BMP4: variants seen among roughly 807,000 people sequenced by gnomAD.
BMP4 encodes bone morphogenetic protein 2B.
BMP4 carries 3 observed loss-of-function variants against 29.6 expected under a neutral mutation model. The ratio of observed to expected loss-of-function variants is 0.10; its 90% confidence interval spans 0.05 to 0.26. BMP4 has a LOEUF of 0.26. BMP4 is among the 10% of genes least tolerant of loss of function. The probability of loss-of-function intolerance (pLI) is 1.00; values close to 1 mark genes in which losing one functional copy is unlikely to be tolerated. For synonymous variants in BMP4, 197 were observed against 213.2 expected, an observed-to-expected ratio of 0.92 and a Z score of 0.66; for missense variants, 455 against 550.2, an observed-to-expected ratio of 0.83 and a Z score of 1.73.
chr14:53,950,094 A>G lies in BMP4; in HGVS notation c.1165T>C (p.Tyr389His). The G allele has an allele frequency of 6.2e-7, 1 of 1,614,050 alleles. No individual in the cohort carries two copies. Among genetic ancestry groups the G allele is most frequent in the Non-Finnish European group, 8.5e-7 (1 of 1,180,012 alleles). ...SAISMLYLDE[Y>H]DKVVLKNYQE... ...TAATTTTTCAGTACCACCTTATCAT[A>G]CTCATCCAGGTACAGCATGGAGATG... The change falls in exon 4 of 4, where the codon TAT (tyrosine) becomes CAT (histidine). Residue 389 changes from tyrosine (Y) to histidine (H), a missense_variant. By Grantham distance (83) the Tyr-to-His change is moderately conservative. Around this residue, in one of 4 missense-constraint regions of BMP4, gnomAD observed 48 missense variants for 90.4 expected, o/e 0.53. Coordinates refer to ENST00000245451, the MANE Select transcript of BMP4 (RefSeq NM_001202.6). This position sits in a 1 kb window ranked among gnomAD's most constrained non-coding sequence, Gnocchi z 5.4.
In BMP4 at chr14:53,950,929, T is replaced by C. The variant is rs749329013; in HGVS notation, c.371-41A>G. On this transcript the variant is annotated intron_variant, in intron 3 of 3. Coordinates refer to ENST00000245451, the MANE Select transcript of BMP4 (RefSeq NM_001202.6). This position sits in a 1 kb window ranked among gnomAD's most constrained non-coding sequence, Gnocchi z 5.4. ...AAGGAAGGGGAAAAGAAAAAGCATA[T>C]GAACTTTTTTCAAAGATGGAAGAGT... 6.3e-7 allele frequency: 1 copy of C among 1,598,204 alleles called. No homozygotes were observed. Among genetic ancestry groups the C allele is most frequent in the Non-Finnish European group, 8.5e-7 (1 of 1,179,710 alleles).
chr14:53,951,574 A>C, intron 3 of BMP4: 1 of 418,798 alleles, frequency 2.4e-6, no homozygotes, highest in Non-Finnish European at 4.2e-6. Flanking sequence ...AACGGGCAGA[A>C]AACCTAGCAG....
chr14:53,951,913 G>C lies in BMP4; in HGVS notation c.310C>G (p.Leu104Val). 6.2e-7 allele frequency: 1 copy of C among 1,603,618 alleles called. No homozygotes were observed. Residue 104 changes from leucine (L) to valine (V), a missense_variant, in exon 3 of 4, where the codon CTT (leucine) becomes GTT (valine). Leu to Val is a conservative substitution (Grantham distance 32). Transcript: ENST00000245451. ...EEEEQIHSTG[L>V]EYPERPASRA... ...CTGGCCGGGCGCTCAGGATACTCAA[G>C]ACCAGTGCTGTGGATCTGCTCTTCC...
At position 53,953,290 on chromosome 14, in the gene BMP4, G is replaced by T; in HGVS notation, c.-22C>A. On this transcript the variant is annotated 5_prime_UTR_variant, in exon 2 of 4. Transcript: ENST00000245451. Reference sequence around the variant, plus strand: ...TGTCTACTCACTGACAGAAAACAAGGCATATAATAACAGTCCATGATTCTT... The same window carrying T: ...TGTCTACTCACTGACAGAAAACAAGTCATATAATAACAGTCCATGATTCTT... The T allele has an allele frequency of 2.5e-6, 1 of 399,102 alleles. No individual in the cohort carries two copies. The allele number at this position is 399,102 out of a possible 1,614,324, so 24.7% of individuals were successfully genotyped here. A position where few individuals can be genotyped will look rare whatever the true frequency, so the allele number is the denominator to read the frequency against.
At chr14:53,952,743 A>T (rs1316939600) in intron 2 of BMP4, among the ~76,000 whole-genome samples, 1 of 152,150 alleles carries the variant, frequency 6.6e-6, no homozygotes, top group Non-Finnish European at 1.5e-5. Context: ...GGGCTGGGCG[A>T]AGACAGAGGG....
Position 53,949,901 on chromosome 14 carries a change from T to G in BMP4, c.*131A>C. The G allele has an allele frequency of 1.1e-6, 1 of 901,810 alleles. No individual in the cohort carries two copies. Among genetic ancestry groups the G allele is most frequent in the Non-Finnish European group, 1.6e-6 (1 of 633,460 alleles). 55.9% of individuals were successfully genotyped at this position (901,810 alleles called of 1,614,324 possible). The stretch of plus-strand genomic sequence containing the variant: ...TTTTTTCCTTTTTTTTTTTTTTTTT[T>G]AAATAAAAGTCCAGCTATAAGGAAG... On this transcript the variant is annotated 3_prime_UTR_variant, in exon 4 of 4. Transcript: ENST00000245451.
rs568950541 is a variant in BMP4, at chr14:53,950,358, C to T, written c.901G>A (p.Ala301Thr). 5 of 1,614,058 alleles carry T rather than the reference C, an allele frequency of 3.1e-6. No homozygotes were observed. The highest frequency in any genetic ancestry group is 3.3e-5 in the Admixed American group (2 of 60,038). Residue 301 changes from alanine (A) to threonine (T), a missense_variant, in exon 4 of 4, where the codon GCC (alanine) becomes ACC (threonine). Ala to Thr is a moderately conservative substitution (Grantham distance 58). Coordinates refer to ENST00000245451, the MANE Select transcript of BMP4 (RefSeq NM_001202.6). The surrounding 1 kb of genome is among the most constrained non-coding windows in gnomAD (Gnocchi z 5.4). ...CGGCAGTTCTTATTCTTCTTCCTGG[C>T]CCGCTGTGAGTGATGCTTAGGGCTA... ...KRSPKHHSQR[A>T]RKKNKNCRRH... is the part of the protein sequence containing the mutation.
Position 53,951,869 on chromosome 14 carries a change from C to T in BMP4, c.354G>A (p.Arg118=). ...ERPASRANTV[R]SFHHEEHLEN... is the part of the protein sequence containing the mutation. ...GAGACTGACCTTCGTGGTGGAAGCT[C>T]CTCACGGTGTTGGCCCGGCTGGCCG... The change falls in exon 3 of 4, where the codon AGG becomes AGA. Residue 118 remains arginine, a synonymous_variant. Transcript: ENST00000245451. 3 of 1,599,722 alleles carry T rather than the reference C, an allele frequency of 1.9e-6. No individual in the cohort carries two copies. Among genetic ancestry groups the T allele is most frequent in the South Asian group, 1.1e-5 (1 of 91,060 alleles).
intron 2 of BMP4, 51 bp from the exon 3 acceptor site, chr14:53,952,280 A>C: frequency 1.3e-6 from 2 of 1,577,184 alleles, no homozygotes; most frequent in Non-Finnish European, 1.7e-6. Flanking sequence ...AACACCAATA[A>C]ATAGGGAGAA....
rs1895545967 is a variant in BMP4 at position 53,953,322 on chromosome 14, C to T, written c.-54G>A. On this transcript the variant is annotated 5_prime_UTR_variant, in exon 2 of 4. Transcript: ENST00000245451. The stretch of plus-strand genomic sequence containing the variant: ...ATAACAGTCCATGATTCTTGACAGC[C>T]AATCTTGAACAAACTTGCTGGAAAG... 5.0e-6 allele frequency: 2 copies of T among 399,078 alleles called. No individual in the cohort carries two copies. Among genetic ancestry groups the T allele is most frequent in the Non-Finnish European group, 8.8e-6 (2 of 226,126 alleles). 24.7% of individuals were successfully genotyped at this position (399,078 alleles called of 1,614,324 possible).
In BMP4 at chr14:53,955,231, C is replaced by T. The variant is rs959625287; in HGVS notation, c.-133+1319G>A. On this transcript the variant is annotated intron_variant, in intron 1 of 3. Transcript: ENST00000245451. This position sits in a 1 kb window ranked among gnomAD's most constrained non-coding sequence, Gnocchi z 4.0. The stretch of plus-strand genomic sequence containing the variant: ...GAGGTCCAGAAGTAGAGAAAGCAGA[C>T]GGAGGCAAGCTGTGCCCGCGGGGCA... Among the ~76,000 whole-genome samples the T allele has an allele frequency of 6.6e-6, 1 of 152,190 alleles. No homozygotes were observed. Among genetic ancestry groups the T allele is most frequent in the African/African-American group, 2.4e-5 (1 of 41,466 alleles).
chr14:53,951,737 C>T, intron 3 of BMP4, 116 bp downstream of exon 3: 1 of 1,466,474 alleles, frequency 6.8e-7, no homozygotes, highest in Non-Finnish European at 9.1e-7. Context: ...CTCTGTTCCT[C>T]AGCCTCCTGG....
rs1377644626 is a variant in BMP4 at position 53,950,403 on chromosome 14, G to A, written c.856C>T (p.Arg286Ter). ...GHDGRGHALT[R>*]RRRAKRSPKH... ...GGGCTACGCTTGGCCCTCCGGCGTC[G>A]GGTCAAGGCATGGCCCCGGCCATCA... is the stretch of plus-strand genomic sequence containing the variant. The change falls in exon 4 of 4, where the codon CGA becomes TGA. Residue 286 changes from arginine to a stop codon, truncating the protein, a stop_gained. Transcript: ENST00000245451. LOFTEE classifies it high-confidence loss of function. This position sits in a 1 kb window ranked among gnomAD's most constrained non-coding sequence, Gnocchi z 5.4. 1.9e-6 allele frequency: 3 copies of A among 1,613,542 alleles called. No individual in the cohort carries two copies. Among genetic ancestry groups the A allele is most frequent in the African/African-American group, 1.3e-5 (1 of 74,926 alleles).
rs776211020 is a variant in BMP4 at position 53,950,484 on chromosome 14, G to T, written c.775C>A (p.Pro259Thr). ...TGGGCCCAATTCCCACTCCCTTGAG[G>T]TAACGATCGGCTAATCCTGACATGC... The part of the protein sequence containing the change: ...GQHVRISRSL[P>T]QGSGNWAQLR... The change falls in exon 4 of 4, where the codon CCT becomes ACT. Residue 259 changes from proline (P) to threonine (T), a missense_variant. Physicochemically the swap from Pro to Thr is conservative, Grantham distance 38. Coordinates refer to ENST00000245451, the MANE Select transcript of BMP4 (RefSeq NM_001202.6). This position sits in a 1 kb window ranked among gnomAD's most constrained non-coding sequence, Gnocchi z 5.4. 2.5e-6 allele frequency: 4 copies of T among 1,614,136 alleles called. No homozygotes were observed. The highest frequency in any genetic ancestry group is 3.4e-6 in the Non-Finnish European group (4 of 1,180,050).
rs761840435 is a variant in BMP4 at position 53,950,584 on chromosome 14, G to T, written c.675C>A (p.Thr225=). Residue 225 remains threonine (T), a synonymous_variant, in exon 4 of 4, where the codon ACC becomes ACA. Coordinates refer to ENST00000245451, the MANE Select transcript of BMP4 (RefSeq NM_001202.6). This position sits in a 1 kb window ranked among gnomAD's most constrained non-coding sequence, Gnocchi z 5.4. ...FDVSPAVLRW[T]REKQPNYGLA... ...GCCCATAGTTTGGCTGCTTCTCCCGGGTCCAGCGAAGGACCGCAGGGCTCA... is the reference window on the plus strand; with the variant it reads ...GCCCATAGTTTGGCTGCTTCTCCCGTGTCCAGCGAAGGACCGCAGGGCTCA... 1.2e-6 allele frequency: 2 copies of T among 1,614,244 alleles called. No homozygotes were observed. Among genetic ancestry groups the T allele is most frequent in the Non-Finnish European group, 1.7e-6 (2 of 1,180,040 alleles).
Position 53,949,868 on chromosome 14 carries a change from T to G in BMP4, c.*164A>C. On this transcript the variant is annotated 3_prime_UTR_variant, in exon 4 of 4. Coordinates refer to ENST00000245451, the MANE Select transcript of BMP4 (RefSeq NM_001202.6). ...GTCATAAATAAGGTCAAGGTGAATG[T>G]TTAGGGATTTTTTCCTTTTTTTTTT... The G allele has an allele frequency of 4.0e-6, 3 of 746,832 alleles. No homozygotes were observed. Among genetic ancestry groups the G allele is most frequent in the South Asian group, 2.1e-5 (1 of 47,034 alleles). The allele number at this position is 746,832 out of a possible 1,614,324, so 46.3% of individuals were successfully genotyped here.
At chr14:53,956,514 T>A (rs1895725712) in intron 1 of BMP4, 36 bp downstream of exon 1, 2 of 399,516 alleles carry the variant, frequency 5.0e-6, no homozygotes, top group Non-Finnish European at 4.4e-6. Context: ...CTAGACCCCC[T>A]CTGCCTGTCT....
In BMP4 at chr14:53,950,913, GA is replaced by G; in HGVS notation, c.371-26del. The G allele has an allele frequency of 1.9e-6, 3 of 1,599,306 alleles. No individual in the cohort carries two copies. The highest frequency in any genetic ancestry group is 2.5e-6 in the Non-Finnish European group (3 of 1,179,926). ...TCTAGGCACAGTTAGGAAGGAAGGGGAAAAGAAAAAGCATATGAACTTTTTT... is the reference window on the plus strand; with the variant it reads ...TCTAGGCACAGTTAGGAAGGAAGGGGAAAGAAAAAGCATATGAACTTTTTT... On this transcript the variant is annotated intron_variant, in intron 3 of 3. Coordinates refer to ENST00000245451, the MANE Select transcript of BMP4 (RefSeq NM_001202.6). The surrounding 1 kb of genome is among the most constrained non-coding windows in gnomAD (Gnocchi z 5.4).
chr14:53,950,588 C>A lies in BMP4; in HGVS notation c.671G>T (p.Trp224Leu). The A allele has an allele frequency of 1.2e-6, 2 of 1,614,260 alleles. No individual in the cohort carries two copies. Among genetic ancestry groups the A allele is most frequent in the Non-Finnish European group, 1.7e-6 (2 of 1,180,040 alleles). The change falls in exon 4 of 4, where the codon TGG becomes TTG. Residue 224 changes from tryptophan (W) to leucine (L), a missense_variant. Physicochemically the swap from Trp to Leu is moderately conservative, Grantham distance 61. Transcript: ENST00000245451. The surrounding 1 kb of genome is among the most constrained non-coding windows in gnomAD (Gnocchi z 5.4). Reference protein sequence around the residue: ...TFDVSPAVLRWTREKQPNYGL... With the variant: ...TFDVSPAVLRLTREKQPNYGL... ...ATAGTTTGGCTGCTTCTCCCGGGTCCAGCGAAGGACCGCAGGGCTCACATC... is the reference window on the plus strand; with the variant it reads ...ATAGTTTGGCTGCTTCTCCCGGGTCAAGCGAAGGACCGCAGGGCTCACATC...
Sources: allele counts gnomAD v4.1 joint callset (sites outside exome capture counted in the v4.1 genomes callset), GRCh38; gene constraint gnomAD v4.1.1; regional missense constraint gnomAD v4.1.1; non-coding constraint Gnocchi (gnomAD v3.1); transcripts MANE v1.5; gene names NCBI Gene and HGNC (gene_info 2026-07-23, HGNC 2026-07-21).